The following NAV2 variants were observed in gnomAD, a reference collection of about 807,000 sequenced individuals.
NAV2 encodes neuron navigator 2.
NAV2 carries 54 observed loss-of-function variants against 223.2 expected under a neutral mutation model. That is an observed-to-expected ratio of 0.24 (90% confidence interval 0.19 to 0.30). The LOEUF is 0.30. NAV2 is among the 10% of genes least tolerant of loss of function. The probability of loss-of-function intolerance (pLI) is 1.00; values close to 1 mark genes in which losing one functional copy is unlikely to be tolerated. For synonymous variants in NAV2, 1,279 were observed against 1,239.3 expected (o/e 1.03, Z -0.67); for missense variants, 2,806 against 3,147.5 (o/e 0.89, Z 2.60).
intron 1 of NAV2, among the ~76,000 whole-genome samples, chr11:19,470,854 G>T (rs1397647580): frequency 2.6e-5 from 4 of 152,162 alleles, no homozygotes; most frequent in African/African-American, 9.7e-5. Flanking sequence ...GAGGGACATA[G>T]GGGATAACCA....
At chr11:20,050,491 C>T (rs1385311393) in intron 16 of NAV2, among the ~76,000 whole-genome samples, 1 of 151,330 alleles carries the variant, frequency 6.6e-6, no homozygotes, top group Non-Finnish European at 1.5e-5. Context: ...GTAGGTGGGC[C>T]TCAGAGATGG....
At position 19,933,033 on chromosome 11, in the gene NAV2, C is replaced by A; in HGVS notation, c.932-143C>A. Reference sequence around the variant, plus strand: ...GTCAAGCCAGAAATTAAAACCTAACCACAGATAATCCACAAAGTGGGCAAT... The same window carrying A: ...GTCAAGCCAGAAATTAAAACCTAACAACAGATAATCCACAAAGTGGGCAAT... On this transcript the variant is annotated intron_variant, in intron 6 of 37. Transcript: ENST00000349880. The surrounding 1 kb of genome is among the most constrained non-coding windows in gnomAD (Gnocchi z 4.3). The A allele has an allele frequency of 9.7e-7, 1 of 1,033,526 alleles. No individual in the cohort carries two copies. The highest frequency in any genetic ancestry group is 1.3e-6 in the Non-Finnish European group (1 of 751,480). 64.0% of individuals were successfully genotyped at this position (1,033,526 alleles called of 1,614,324 possible). A position where few individuals can be genotyped will look rare whatever the true frequency, so the allele number is the denominator to read the frequency against.
chr11:19,831,077 G>A (rs1266568556), intron 1 of NAV2, among the ~76,000 whole-genome samples: 1 of 151,992 alleles, frequency 6.6e-6, no homozygotes, highest in East Asian at 1.9e-4. Context: ...ATCTCTTCAG[G>A]AACCAGAAGA....
intron 11 of NAV2, among the ~76,000 whole-genome samples, chr11:20,006,886 A>G (rs1430088413): frequency 6.6e-6 from 1 of 152,106 alleles, no homozygotes; most frequent in Non-Finnish European, 1.5e-5. Flanking sequence ...AGGTACAAAA[A>G]TGCAAAATAA....
At chr11:19,360,718 C>G (rs1373368125) in intron 1 of NAV2, among the ~76,000 whole-genome samples, 1 of 151,966 alleles carries the variant, frequency 6.6e-6, no homozygotes, top group African/African-American at 2.4e-5. Context: ...TTGGGAAAAA[C>G]CTGGTAGAAA....
At chr11:19,979,753 A>G (rs2050136669) in intron 10 of NAV2, among the ~76,000 whole-genome samples, 1 of 152,136 alleles carries the variant, frequency 6.6e-6, no homozygotes, top group Admixed American at 6.5e-5. Context: ...TGCTCCCTAT[A>G]TGCCAGGCAC....
chr11:19,676,165 C>T (rs764793424), intron 1 of NAV2, among the ~76,000 whole-genome samples: 2 of 152,144 alleles, frequency 1.3e-5, no homozygotes, highest in African/African-American at 4.8e-5. Context: ...CCTTCCTCCT[C>T]GATCCCCCTC....
intron 6 of NAV2, among the ~76,000 whole-genome samples, chr11:19,910,875 A>T (rs1171142226): frequency 6.6e-6 from 1 of 152,182 alleles, no homozygotes; most frequent in Non-Finnish European, 1.5e-5. Flanking sequence ...AAATAAAATT[A>T]AAAAATAACC....
chr11:19,852,762 C>G (rs1448566865), intron 3 of NAV2, among the ~76,000 whole-genome samples: 1 of 124,152 alleles, frequency 8.1e-6, no homozygotes, highest in African/African-American at 2.8e-5. Context: ...ATTCTCAGCA[C>G]CTGGCACAGG....
chr11:19,385,034 G>A (rs926380975), intron 1 of NAV2: 5 of 152,166 alleles, frequency 3.3e-5, no homozygotes, highest in African/African-American at 4.8e-5. Context: ...ACTTGAACAA[G>A]CACTTCACAA....
chr11:20,099,967 GGGCCTTTGTCATGTTCATTCTGGA>G (rs1156672685), intron 31 of NAV2, among the ~76,000 whole-genome samples: 1 of 152,080 alleles, frequency 6.6e-6, no homozygotes, highest in African/African-American at 2.4e-5. Flanking sequence ...AGACATCTGG[GGGCCTTTGTCATGTTCATTCTGGA>G]AGAGTCATTG....
chr11:19,350,669 C>T (rs1853256547), upstream of NAV2: 4 of 457,000 alleles, frequency 8.8e-6, no homozygotes, highest in Non-Finnish European at 1.6e-5. Context: ...CAGATTTGTC[C>T]TCTGGGCTCT....
chr11:19,491,581 T>C (rs2042628155), intron 1 of NAV2, among the ~76,000 whole-genome samples: 1 of 152,206 alleles, frequency 6.6e-6, no homozygotes, highest in South Asian at 2.1e-4. Context: ...GTCGTGTCTC[T>C]AAATTAGACT....
intron 1 of NAV2, among the ~76,000 whole-genome samples, chr11:19,722,756 G>A (rs79858443): frequency 0.087 from 13,315 of 152,224 alleles, 672 homozygotes; most frequent in Non-Finnish European, 0.098. Flanking sequence ...GGATCTTGCA[G>A]AACTCCCTCT....
intron 11 of NAV2, among the ~76,000 whole-genome samples, chr11:20,015,532 T>C (rs1490060270): frequency 6.6e-6 from 1 of 152,190 alleles, no homozygotes; most frequent in Non-Finnish European, 1.5e-5. Context: ...TCCTCACAGT[T>C]TACTATTTCT....
intron 11 of NAV2, among the ~76,000 whole-genome samples, chr11:19,985,603 G>A (rs2050723189): frequency 1.3e-5 from 2 of 151,810 alleles, no homozygotes; most frequent in African/African-American, 2.4e-5. Context: ...TTGAGACAGA[G>A]TCTCACTCTG....
At chr11:20,013,446 C>T (rs751744642) in intron 11 of NAV2, among the ~76,000 whole-genome samples, 12 of 148,864 alleles carry the variant, frequency 8.1e-5, no homozygotes, top group African/African-American at 3.0e-4. Flanking sequence ...TAGGCAAATA[C>T]CTAGAATGAG....
intron 1 of NAV2, among the ~76,000 whole-genome samples, chr11:19,830,525 A>T (rs1260787785): frequency 6.6e-6 from 1 of 152,224 alleles, no homozygotes; most frequent in Admixed American, 6.5e-5. Flanking sequence ...TAGAATGAAG[A>T]TTGAATGAGT....
intron 1 of NAV2, among the ~76,000 whole-genome samples, chr11:19,542,980 TGTCACTG>T (rs1565033632): frequency 6.8e-6 from 1 of 147,342 alleles, no homozygotes; most frequent in African/African-American, 2.7e-5. Flanking sequence ...AAGGTTTCCA[TGTCACTG>T]GTTGAGCATG....
Sources: allele counts gnomAD v4.1 joint callset (sites outside exome capture counted in the v4.1 genomes callset), GRCh38; gene constraint gnomAD v4.1.1; non-coding constraint Gnocchi (gnomAD v3.1); transcripts MANE v1.5; gene names NCBI Gene and HGNC (gene_info 2026-07-23, HGNC 2026-07-21).